Variants in SORCS1 observed in about 807,000 individuals in gnomAD.
The protein encoded by SORCS1 is VPS10 domain-containing receptor SorCS1.
In SORCS1, 60 loss-of-function variants were observed where a neutral mutation model predicts 146.1. That is an observed-to-expected ratio of 0.41 (90% CI 0.33 to 0.51). SORCS1 has a LOEUF of 0.51. Ranked by LOEUF, SORCS1 falls within the 20% of genes least tolerant of loss-of-function variation. The pLI, the probability that SORCS1 is intolerant of heterozygous loss-of-function variation, is 0.21. For synonymous variants in SORCS1, 637 were observed against 584.0 expected (o/e 1.09, Z -1.31); for missense variants, 1,352 against 1,487.6 (o/e 0.91, Z 1.50).
chr10:106,668,872 C>T (rs550955817), intron 16 of SORCS1, among the ~76,000 whole-genome samples: 4 of 152,180 alleles, frequency 2.6e-5, no homozygotes, highest in African/African-American at 9.6e-5. Context: ...CAGGAGAGGG[C>T]CAAACCAAGG....
intron 1 of SORCS1, among the ~76,000 whole-genome samples, chr10:106,974,234 C>CTTG (rs1411663687): frequency 9.2e-5 from 14 of 152,206 alleles, no homozygotes; most frequent in Middle Eastern, 3.4e-3. Context: ...TAAATTGATC[C>CTTG]TTGGGGTCTT....
At chr10:107,075,794 G>A (rs750173561) in intron 1 of SORCS1, among the ~76,000 whole-genome samples, 1 of 151,958 alleles carries the variant, frequency 6.6e-6, no homozygotes, top group Non-Finnish European at 1.5e-5. Flanking sequence ...ATTACATGGT[G>A]GGTGTGTTCC....
chr10:106,889,870 G>A (rs977834649), intron 2 of SORCS1, among the ~76,000 whole-genome samples: 6 of 132,790 alleles, frequency 4.5e-5, no homozygotes, highest in Non-Finnish European at 7.7e-5. Context: ...GGGTGACAGA[G>A]TGAGACTACG....
At chr10:106,584,657 AC>A (rs1845115908) in intron 24 of SORCS1, among the ~76,000 whole-genome samples, 1 of 152,182 alleles carries the variant, frequency 6.6e-6, no homozygotes, top group African/African-American at 2.4e-5. Context: ...CCCTAAATCA[AC>A]TGTGGTCTAG....
At position 106,944,874 on chromosome 10, in the gene SORCS1, C is replaced by CTTTTTTTT. The variant is rs765355110; in HGVS notation, c.626+11631_626+11638dup. Among the ~76,000 whole-genome samples the CTTTTTTTT allele has an allele frequency of 6.0e-4, 22 of 36,598 alleles. 3 individuals are homozygous for CTTTTTTTT. Among genetic ancestry groups the CTTTTTTTT allele is most frequent in the South Asian group, 3.0e-3 (2 of 674 alleles). 24.0% of individuals were successfully genotyped at this position (36,598 alleles called of 152,430 possible). A position where few individuals can be genotyped will look rare whatever the true frequency, so the allele number is the denominator to read the frequency against. ...GTAGAAAGAAGCAAGAAAGAGCCTTCTTTTTTTTTTTTTTTTTTTTTTTTT... is the reference window on the plus strand; with the variant it reads ...GTAGAAAGAAGCAAGAAAGAGCCTTCTTTTTTTTTTTTTTTTTTTTTTTTTTTTTTTTT... On this transcript the variant is annotated intron_variant, in intron 2 of 25. Coordinates refer to ENST00000263054, the MANE Select transcript of SORCS1 (RefSeq NM_052918.5).
intron 1 of SORCS1, among the ~76,000 whole-genome samples, chr10:107,067,045 A>G (rs1457753494): frequency 6.6e-6 from 1 of 152,306 alleles, no homozygotes; most frequent in Non-Finnish European, 1.5e-5. Context: ...AACCACAGAC[A>G]GTTTATTTGA....
At chr10:107,176,450 C>T in the SORCS1 span, among the ~76,000 whole-genome samples, 1 of 151,902 alleles carries the variant, frequency 6.6e-6, no homozygotes, top group Admixed American at 6.6e-5. Context: ...ATCATCCCAC[C>T]TCAGCCTCCT....
chr10:107,040,728 T>C (rs1200392829), intron 1 of SORCS1, among the ~76,000 whole-genome samples: 2 of 152,294 alleles, frequency 1.3e-5, no homozygotes, highest in East Asian at 3.9e-4. Context: ...TACTGAACAC[T>C]TAGCATAGTA....
At chr10:107,086,511 A>G (rs1963772538) in intron 1 of SORCS1, among the ~76,000 whole-genome samples, 2 of 152,238 alleles carry the variant, frequency 1.3e-5, no homozygotes, top group Non-Finnish European at 2.9e-5. Flanking sequence ...ATTAATTAGG[A>G]ATCAAGTAGG....
intron 19 of SORCS1, among the ~76,000 whole-genome samples, chr10:106,623,154 T>C (rs12218437): frequency 6.6e-6 from 1 of 152,002 alleles, no homozygotes; most frequent in African/African-American, 2.4e-5. Context: ...CTGCGTTAAA[T>C]GAATACATTA....
intron 2 of SORCS1, among the ~76,000 whole-genome samples, chr10:106,833,525 C>G (rs998063764): frequency 3.3e-5 from 5 of 152,122 alleles, no homozygotes; most frequent in Admixed American, 1.3e-4. Context: ...GTTACTGCAC[C>G]AAGTTCTCTG....
intron 3 of SORCS1, among the ~76,000 whole-genome samples, chr10:106,789,605 C>T (rs1946218296): frequency 6.6e-6 from 1 of 152,218 alleles, no homozygotes; most frequent in African/African-American, 2.4e-5. Flanking sequence ...GAAACCACCT[C>T]AGCCTGGACT....
chr10:107,087,033 A>T (rs1963815511), intron 1 of SORCS1, among the ~76,000 whole-genome samples: 1 of 152,228 alleles, frequency 6.6e-6, no homozygotes, highest in Admixed American at 6.5e-5. Flanking sequence ...GTCTCAAAAC[A>T]AACAAACAAA....
At chr10:106,662,063 T>C (rs1850771059) in intron 17 of SORCS1, among the ~76,000 whole-genome samples, 1 of 152,244 alleles carries the variant, frequency 6.6e-6, no homozygotes, top group South Asian at 2.1e-4. Context: ...CCAAGTTCAC[T>C]TTTTATTCCA....
At chr10:107,115,446 G>GCA (rs1965967096) in intron 1 of SORCS1, among the ~76,000 whole-genome samples, 3 of 152,072 alleles carry the variant, frequency 2.0e-5, no homozygotes, top group Non-Finnish European at 4.4e-5. Flanking sequence ...TCAGAAATAA[G>GCA]CACACACATA....
At chr10:106,974,512 G>A (rs1426220311) in intron 1 of SORCS1, among the ~76,000 whole-genome samples, 1 of 152,198 alleles carries the variant, frequency 6.6e-6, no homozygotes. Flanking sequence ...GGCACTGAGA[G>A]AAGGGTGGCA....
chr10:106,579,189 C>T (rs1289540091), intron 25 of SORCS1, 180 bp downstream of exon 25: 1 of 1,614,114 alleles, frequency 6.2e-7, no homozygotes, highest in Non-Finnish European at 8.5e-7. Flanking sequence ...ACTGACTGGA[C>T]TGATCATCTC....
intron 5 of SORCS1, among the ~76,000 whole-genome samples, chr10:106,733,484 T>C (rs1329964593): frequency 6.6e-6 from 1 of 152,226 alleles, no homozygotes; most frequent in African/African-American, 2.4e-5. Flanking sequence ...GGTCCTGTCA[T>C]TGACCAGATA....
At chr10:106,603,823 C>T (rs1846399439) in intron 23 of SORCS1, among the ~76,000 whole-genome samples, 1 of 152,200 alleles carries the variant, frequency 6.6e-6, no homozygotes, top group African/African-American at 2.4e-5. Context: ...CCAGCATTCC[C>T]TCTCCCTTCC....
Sources: allele counts gnomAD v4.1 joint callset (sites outside exome capture counted in the v4.1 genomes callset), GRCh38; gene constraint gnomAD v4.1.1; transcripts MANE v1.5; gene names NCBI Gene and HGNC (gene_info 2026-07-23, HGNC 2026-07-21).